The following LIPI variants were observed in gnomAD, a reference collection of about 807,000 sequenced individuals.
The protein encoded by LIPI is lipase I.
Under a neutral mutation model 50.6 loss-of-function variants are expected in LIPI, and 59 were observed. That is an observed-to-expected ratio of 1.16 (90% CI 0.94 to 1.45). The LOEUF (loss-of-function observed/expected upper bound fraction) is 1.45, where lower values mean the gene tolerates loss of function less well. LIPI is among the 40% of genes most tolerant of loss of function. LIPI has a pLI of 0.00. For synonymous variants in LIPI, 203 were observed against 178.2 expected (o/e 1.14, Z -1.11); for missense variants, 586 against 536.3 (o/e 1.09, Z -0.92).
chr21:14,177,263 C>G (rs1377406908), intron 4 of LIPI, among the ~76,000 whole-genome samples: 1 of 151,912 alleles, frequency 6.6e-6, no homozygotes, highest in East Asian at 1.9e-4. Context: ...AGATTTACCA[C>G]CATTTGGAGG....
chr21:14,111,374 C>G (rs573844948), intron 9 of LIPI, among the ~76,000 whole-genome samples: 129 of 152,092 alleles, frequency 8.5e-4, no homozygotes, highest in South Asian at 1.9e-3. Flanking sequence ...ACCTGTTGGC[C>G]ACTTGTATGT....
At chr21:14,146,286 C>CA (rs199544529) in intron 8 of LIPI, among the ~76,000 whole-genome samples, 3,780 of 136,500 alleles carry the variant, frequency 0.028, 87 homozygotes, top group African/African-American at 0.064. Flanking sequence ...TTTCTCCAAC[C>CA]AAAAAAAAAA....
At chr21:14,199,378 G>C (rs2019971463) in intron 1 of LIPI, among the ~76,000 whole-genome samples, 1 of 150,008 alleles carries the variant, frequency 6.7e-6, no homozygotes. Context: ...AAGGAGGAGA[G>C]TCAAATAAAC....
chr21:14,179,216 C>G (rs991199194), intron 4 of LIPI, among the ~76,000 whole-genome samples: 1 of 151,666 alleles, frequency 6.6e-6, no homozygotes, highest in African/African-American at 2.4e-5. Context: ...ACACTCACAA[C>G]TGAATAAAAA....
intron 8 of LIPI, among the ~76,000 whole-genome samples, chr21:14,150,687 G>A (rs1469607705): frequency 1.3e-5 from 2 of 152,008 alleles, no homozygotes; most frequent in African/African-American, 2.4e-5. Flanking sequence ...ACAATTGTAA[G>A]CAATTTAAAG....
At chr21:14,133,224 CT>C (rs1436925803) in intron 9 of LIPI, among the ~76,000 whole-genome samples, 2 of 151,934 alleles carry the variant, frequency 1.3e-5, no homozygotes, top group Non-Finnish European at 2.9e-5. Context: ...ATTAATATTC[CT>C]GAAGAAAATA....
At chr21:14,194,565 A>T (rs1244996175) in intron 1 of LIPI, among the ~76,000 whole-genome samples, 1 of 152,194 alleles carries the variant, frequency 6.6e-6, no homozygotes, top group East Asian at 1.9e-4. Flanking sequence ...ATACCATATG[A>T]TTCAATTTAA....
intron 7 of LIPI, among the ~76,000 whole-genome samples, chr21:14,160,958 T>A (rs1339950507): frequency 6.6e-6 from 1 of 151,438 alleles, no homozygotes; most frequent in African/African-American, 2.4e-5. Flanking sequence ...TAAGAATTTT[T>A]AAAATAATGA....
chr21:14,145,395 T>C (rs2017865881), intron 8 of LIPI, among the ~76,000 whole-genome samples: 1 of 152,122 alleles, frequency 6.6e-6, no homozygotes, highest in Non-Finnish European at 1.5e-5. Flanking sequence ...ATAAATGTCT[T>C]TCCCAAAGCC....
At chr21:14,164,740 G>A (rs1054238114) in intron 6 of LIPI, among the ~76,000 whole-genome samples, 7 of 151,980 alleles carry the variant, frequency 4.6e-5, no homozygotes, top group African/African-American at 1.7e-4. Context: ...ATACTTAACT[G>A]CTCTTAGCAG....
chr21:14,146,417 A>G (rs1015235343), intron 8 of LIPI, among the ~76,000 whole-genome samples: 2 of 152,164 alleles, frequency 1.3e-5, no homozygotes, highest in African/African-American at 4.8e-5. Context: ...TCCACATTCA[A>G]TCTATCAGAA....
Position 14,163,447 on chromosome 21 carries a change from CA to C in LIPI, c.977del (p.Leu326TrpfsTer18). The C allele has an allele frequency of 1.1e-5, 17 of 1,551,494 alleles. No homozygotes were observed. The highest frequency in any genetic ancestry group is 1.4e-5 in the Non-Finnish European group (16 of 1,123,384). On this transcript the variant is annotated frameshift_variant, in exon 7 of 10. Coordinates refer to ENST00000681601, the MANE Select transcript of LIPI (RefSeq NM_001302998.2). LOFTEE classifies it high-confidence loss of function. ...AGAATGGATATGTACCACTTGTATC[CA>C]AAAACACAGTGGTCCTAAGAGGTCT... ...EGRPLRTTVF[L>X]DTSGTYPFCT...
chr21:14,171,755 T>G (rs973542128), intron 4 of LIPI, among the ~76,000 whole-genome samples: 1 of 151,794 alleles, frequency 6.6e-6, no homozygotes, highest in African/African-American at 2.4e-5. Context: ...CCTAAAACCA[T>G]AAAAACCCTA....
At chr21:14,140,253 A>G (rs2017656260) in intron 9 of LIPI, among the ~76,000 whole-genome samples, 1 of 152,150 alleles carries the variant, frequency 6.6e-6, no homozygotes, top group Non-Finnish European at 1.5e-5. Flanking sequence ...GAAGGTAGGA[A>G]CAAAGAGATT....
In LIPI at chr21:14,163,526, G is replaced by A. The variant is rs760625350; in HGVS notation, c.902-3C>T. 1 of 1,368,056 alleles carries A rather than the reference G, an allele frequency of 7.3e-7. No homozygotes were observed. Among genetic ancestry groups the A allele is most frequent in the Non-Finnish European group, 1.0e-6 (1 of 956,600 alleles). 84.7% of individuals were successfully genotyped at this position (1,368,056 alleles called of 1,614,324 possible). On this transcript the variant is annotated splice_polypyrimidine_tract_variant and splice_region_variant and intron_variant, in intron 6 of 9. Coordinates refer to ENST00000681601, the MANE Select transcript of LIPI (RefSeq NM_001302998.2). ...TTTAAATAGCTTGGCTTGATAACCT[G>A]AGATTTGAGAAATAGAACATTAGAA...
chr21:14,179,491 G>A (rs1378054835), intron 4 of LIPI, among the ~76,000 whole-genome samples: 1 of 152,068 alleles, frequency 6.6e-6, no homozygotes, highest in Non-Finnish European at 1.5e-5. Context: ...ATCCAAGACA[G>A]TTCATTAGGA....
chr21:14,209,200 A>C (rs2020302245), intron 1 of LIPI, among the ~76,000 whole-genome samples: 1 of 152,214 alleles, frequency 6.6e-6, no homozygotes, highest in Non-Finnish European at 1.5e-5. Context: ...GATGTACTGT[A>C]TATCTGTATA....
intron 1 of LIPI, among the ~76,000 whole-genome samples, chr21:14,208,038 T>C (rs2020272411): frequency 6.6e-6 from 1 of 152,194 alleles, no homozygotes; most frequent in Non-Finnish European, 1.5e-5. Context: ...TTTGGTACAA[T>C]AAATTAAAAT....
At chr21:14,147,738 AACTTG>A (rs1004535706) in intron 8 of LIPI, among the ~76,000 whole-genome samples, 1 of 152,148 alleles carries the variant, frequency 6.6e-6, no homozygotes, top group Non-Finnish European at 1.5e-5. Context: ...CAAAGCTCAA[AACTTG>A]AAGTCACTCT....
Sources: gnomAD v4.1 joint callset for allele counts (sites outside exome capture counted in the v4.1 genomes callset) on GRCh38, gnomAD v4.1.1 for gene constraint, MANE v1.5 for transcripts, NCBI Gene and HGNC (gene_info 2026-07-23, HGNC 2026-07-21) for gene names.